CEP63: variants seen among roughly 807,000 people sequenced by gnomAD.
CEP63 encodes centrosomal protein of 63 kDa.
In CEP63, 84 loss-of-function variants were observed where a neutral mutation model predicts 89.1. That is an observed-to-expected ratio of 0.94 (90% CI 0.79 to 1.13). CEP63 has a LOEUF of 1.13. CEP63 is among the 50% of genes most tolerant of loss of function. CEP63 has a pLI of 0.00. For missense variants in CEP63, 838 were observed against 813.3 expected (o/e 1.03, Z -0.37); for synonymous variants, 267 against 272.5 (o/e 0.98, Z 0.20).
intron 3 of CEP63, among the ~76,000 whole-genome samples, chr3:134,524,663 G>C (rs1175636408): frequency 1.3e-5 from 2 of 152,176 alleles, no homozygotes; most frequent in Non-Finnish European, 1.5e-5. Context: ...CTTTAGTTCT[G>C]TTTATGTGAT....
chr3:134,701,947 C>A, the CEP63 span, among the ~76,000 whole-genome samples: 1 of 152,196 alleles, frequency 6.6e-6, no homozygotes, highest in African/African-American at 2.4e-5. Flanking sequence ...GCTACTGAAT[C>A]TGGGCTAGGG....
chr3:134,692,198 G>A, the CEP63 span, among the ~76,000 whole-genome samples: 5 of 152,136 alleles, frequency 3.3e-5, no homozygotes, highest in East Asian at 9.7e-4. Flanking sequence ...CCATGTTGGT[G>A]TACTGCACCC....
the CEP63 span, among the ~76,000 whole-genome samples, chr3:134,622,751 G>T: frequency 1.3e-5 from 2 of 152,324 alleles, no homozygotes; most frequent in East Asian, 1.9e-4. Context: ...ACAGGGCTGA[G>T]GTTGCTGGAA....
the CEP63 span, chr3:134,608,839 G>C: frequency 6.2e-7 from 1 of 1,606,200 alleles, no homozygotes. Flanking sequence ...ACTCATTGTA[G>C]CTGGAGCAGA....
intron 3 of CEP63, among the ~76,000 whole-genome samples, chr3:134,514,806 T>C (rs1278376798): frequency 6.6e-6 from 1 of 152,172 alleles, no homozygotes; most frequent in Non-Finnish European, 1.5e-5. Context: ...AAGACAGTGA[T>C]CCCAGATTGA....
At chr3:134,717,995 C>A in the CEP63 span, among the ~76,000 whole-genome samples, 1 of 152,092 alleles carries the variant, frequency 6.6e-6, no homozygotes, top group Non-Finnish European at 1.5e-5. Context: ...GAATGAGCAC[C>A]CAGGTTACTT....
the CEP63 span, among the ~76,000 whole-genome samples, chr3:134,670,865 C>T: frequency 2.0e-5 from 3 of 152,106 alleles, no homozygotes; most frequent in East Asian, 5.8e-4. Context: ...TACATGGAAA[C>T]GTGTGGATGA....
intron 5 of CEP63, 26 bp downstream of exon 5, chr3:134,532,926 A>C: frequency 2.5e-6 from 4 of 1,611,868 alleles, no homozygotes; most frequent in Non-Finnish European, 3.4e-6. Flanking sequence ...TAATTTGTTC[A>C]TAGTGATTGT....
chr3:134,670,445 G>A, the CEP63 span, among the ~76,000 whole-genome samples: 2 of 152,236 alleles, frequency 1.3e-5, no homozygotes, highest in African/African-American at 4.8e-5. Context: ...AGAACAGAGT[G>A]GGGATCAATG....
chr3:134,736,525 A>ACTTTT, the CEP63 span, among the ~76,000 whole-genome samples: 1 of 151,974 alleles, frequency 6.6e-6, no homozygotes, highest in Non-Finnish European at 1.5e-5. Context: ...GAATAGTCAG[A>ACTTTT]AAATGCAATT....
Position 134,558,349 on chromosome 3 carries a change from TA to T in CEP63, c.1673+6del, listed in dbSNP as rs748933808. The T allele has an allele frequency of 1.0e-5, 16 of 1,571,492 alleles. No homozygotes were observed. In the East Asian group the frequency reaches 1.8e-4, roughly 18 times the overall value. ...TGAGTTCAAGAATACAGAGTTCAAG[TA>T]AAATTTTTTAAAAGTTTATTTAAAA... On this transcript the variant is annotated splice_donor_region_variant and intron_variant, in intron 13 of 14. Transcript: ENST00000675561.
the CEP63 span, among the ~76,000 whole-genome samples, chr3:134,751,942 G>C: frequency 6.6e-6 from 1 of 152,168 alleles, no homozygotes; most frequent in East Asian, 1.9e-4. Flanking sequence ...TTTTATTGGA[G>C]TTGTGTTTCT....
the CEP63 span, among the ~76,000 whole-genome samples, chr3:134,736,670 A>G: frequency 1.3e-5 from 2 of 152,228 alleles, no homozygotes; most frequent in Admixed American, 6.5e-5. Flanking sequence ...TTCCTGAATA[A>G]ATGGAATGAT....
At chr3:134,659,754 C>T in the CEP63 span, among the ~76,000 whole-genome samples, 1 of 152,130 alleles carries the variant, frequency 6.6e-6, no homozygotes, top group Non-Finnish European at 1.5e-5. Flanking sequence ...TGAACAAAAC[C>T]ACGAATGAGC....
At chr3:134,732,851 T>G in the CEP63 span, among the ~76,000 whole-genome samples, 2 of 152,286 alleles carry the variant, frequency 1.3e-5, no homozygotes, top group East Asian at 3.9e-4. Flanking sequence ...ACTTATAAAC[T>G]TACAAATTAG....
the CEP63 span, among the ~76,000 whole-genome samples, chr3:134,748,150 G>A: frequency 2.6e-5 from 4 of 152,120 alleles, no homozygotes; most frequent in Non-Finnish European, 4.4e-5. Flanking sequence ...CATTTTGTGT[G>A]CTTCTCAGAG....
the CEP63 span, among the ~76,000 whole-genome samples, chr3:134,748,421 G>A: frequency 6.6e-6 from 1 of 151,706 alleles, no homozygotes; most frequent in South Asian, 2.1e-4. Flanking sequence ...GTATCTTGGA[G>A]TTTTGTTTTT....
the CEP63 span, among the ~76,000 whole-genome samples, chr3:134,764,808 T>C: frequency 1.4e-4 from 22 of 152,350 alleles, no homozygotes; most frequent in East Asian, 4.1e-3. Flanking sequence ...ATTTGGAGAA[T>C]AAACTGAGCT....
At chr3:134,559,071 C>G (rs1412605140) in intron 13 of CEP63, 79 bp from the exon 14 acceptor site, 3 of 1,495,612 alleles carry the variant, frequency 2.0e-6, no homozygotes, top group Non-Finnish European at 2.8e-6. Flanking sequence ...GGCTATTAAG[C>G]AAATTTCCTA....
Sources: gnomAD v4.1 joint callset for allele counts (sites outside exome capture counted in the v4.1 genomes callset) on GRCh38, gnomAD v4.1.1 for gene constraint, MANE v1.5 for transcripts, NCBI Gene and HGNC (gene_info 2026-07-23, HGNC 2026-07-21) for gene names.